Variants in CSMD1 observed in about 807,000 individuals in gnomAD.
CSMD1 encodes CUB and sushi domain-containing protein 1.
A neutral mutation model predicts 417.5 loss-of-function variants in CSMD1; 213 were observed. That is an observed-to-expected ratio of 0.51 (90% confidence interval 0.46 to 0.57). The LOEUF (loss-of-function observed/expected upper bound fraction) is 0.57, where lower values mean the gene tolerates loss of function less well. Among genes scored for constraint, CSMD1 ranks in the 20% least tolerant of loss-of-function variants. The pLI, the probability that CSMD1 is intolerant of heterozygous loss-of-function variation, is 0.00. For synonymous variants in CSMD1, 2,862 were observed against 1,736.8 expected (o/e 1.65, Z -16.11); for missense variants, 6,923 against 4,529.7 (o/e 1.53, Z -15.17).
intron 3 of CSMD1, among the ~76,000 whole-genome samples, chr8:4,334,514 G>C (rs995680228): frequency 6.6e-6 from 1 of 152,104 alleles, no homozygotes; most frequent in African/African-American, 2.4e-5. Context: ...CCCTATAAAT[G>C]CATGAGCTAA....
intron 10 of CSMD1, among the ~76,000 whole-genome samples, chr8:3,512,443 C>T (rs914449005): frequency 6.6e-6 from 1 of 152,036 alleles, no homozygotes; most frequent in Non-Finnish European, 1.5e-5. Context: ...TATTTGTAAT[C>T]CTGAGCAATG....
intron 10 of CSMD1, among the ~76,000 whole-genome samples, chr8:3,570,035 G>A (rs1001735067): frequency 6.6e-6 from 1 of 152,146 alleles, no homozygotes; most frequent in Non-Finnish European, 1.5e-5. Flanking sequence ...AGATGAGAGA[G>A]AAAAAATAAA....
intron 3 of CSMD1, among the ~76,000 whole-genome samples, chr8:4,061,290 C>T (rs1798960060): frequency 6.6e-6 from 1 of 152,148 alleles, no homozygotes; most frequent in African/African-American, 2.4e-5. Flanking sequence ...CAGAGAGGTA[C>T]ATCTTATCAT....
chr8:4,653,366 C>G (rs892396978), intron 1 of CSMD1, among the ~76,000 whole-genome samples: 1 of 152,064 alleles, frequency 6.6e-6, no homozygotes, highest in Admixed American at 6.5e-5. Flanking sequence ...TCTTTCCGTG[C>G]TGCAGTAGAA....
chr8:3,237,566 T>C (rs1041518949), intron 26 of CSMD1, among the ~76,000 whole-genome samples: 1 of 139,696 alleles, frequency 7.2e-6, no homozygotes, highest in African/African-American at 2.5e-5. Flanking sequence ...ACTTTGCATA[T>C]AAATATAATT....
At chr8:4,123,661 C>G (rs1238332239) in intron 3 of CSMD1, among the ~76,000 whole-genome samples, 1 of 152,158 alleles carries the variant, frequency 6.6e-6, no homozygotes. Flanking sequence ...TGGTAACACT[C>G]TTAAAGTGGG....
intron 3 of CSMD1, among the ~76,000 whole-genome samples, chr8:4,331,728 C>G (rs1056147661): frequency 6.6e-6 from 1 of 152,084 alleles, no homozygotes; most frequent in Non-Finnish European, 1.5e-5. Flanking sequence ...TTCACAATGA[C>G]CTTTCTAAAT....
chr8:4,013,177 G>A (rs1276503080), intron 4 of CSMD1, among the ~76,000 whole-genome samples: 1 of 151,988 alleles, frequency 6.6e-6, no homozygotes, highest in Admixed American at 6.5e-5. Flanking sequence ...AAGTCCAAAG[G>A]CTGATCTACA....
At chr8:4,231,615 T>A (rs777829407) in intron 3 of CSMD1, among the ~76,000 whole-genome samples, 1 of 152,198 alleles carries the variant, frequency 6.6e-6, no homozygotes, top group Non-Finnish European at 1.5e-5. Context: ...CAACAAATGT[T>A]GAGTCAGATA....
chr8:4,284,726 G>A (rs1424107742), intron 3 of CSMD1, among the ~76,000 whole-genome samples: 3 of 151,964 alleles, frequency 2.0e-5, no homozygotes, highest in African/African-American at 7.3e-5. Context: ...CTCCCAGGAG[G>A]GTAACTCCAT....
intron 10 of CSMD1, among the ~76,000 whole-genome samples, chr8:3,498,464 T>C (rs976243462): frequency 1.3e-5 from 2 of 152,232 alleles, no homozygotes; most frequent in South Asian, 2.1e-4. Flanking sequence ...AGTTTGATTA[T>C]AATGCTCTTT....
chr8:4,814,047 T>C (rs183160029), intron 1 of CSMD1, among the ~76,000 whole-genome samples: 24 of 152,374 alleles, frequency 1.6e-4, no homozygotes, highest in Admixed American at 1.3e-3. Context: ...GAAAGTAATG[T>C]ACAGTTTTGA....
chr8:4,581,535 A>G (rs1799418013), intron 2 of CSMD1, among the ~76,000 whole-genome samples: 1 of 152,230 alleles, frequency 6.6e-6, no homozygotes, highest in African/African-American at 2.4e-5. Context: ...TAAATACATA[A>G]CAGATTCATT....
intron 1 of CSMD1, among the ~76,000 whole-genome samples, chr8:4,819,800 G>A (rs189894097): frequency 6.6e-6 from 1 of 152,200 alleles, no homozygotes; most frequent in East Asian, 1.9e-4. Context: ...TAAGGGTGGG[G>A]CTGTTTGGGT....
At chr8:3,728,815 C>T (rs888956360) in intron 6 of CSMD1, among the ~76,000 whole-genome samples, 1 of 152,164 alleles carries the variant, frequency 6.6e-6, no homozygotes, top group Non-Finnish European at 1.5e-5. Context: ...ACTGATAATG[C>T]CCCCTTAATA....
chr8:4,608,632 G>A (rs1429670716), intron 2 of CSMD1, among the ~76,000 whole-genome samples: 3 of 152,268 alleles, frequency 2.0e-5, no homozygotes, highest in South Asian at 2.1e-4. Flanking sequence ...AGCAATGCCC[G>A]CCATACATTT....
At chr8:4,837,561 C>G (rs1350304) in intron 1 of CSMD1, among the ~76,000 whole-genome samples, 1 of 151,984 alleles carries the variant, frequency 6.6e-6, no homozygotes, top group Admixed American at 6.5e-5. Context: ...AAAATCAAAA[C>G]AATTAAGCTC....
intron 18 of CSMD1, among the ~76,000 whole-genome samples, chr8:3,384,449 C>T (rs957038274): frequency 7.9e-5 from 12 of 151,238 alleles, no homozygotes; most frequent in Admixed American, 3.3e-4. Context: ...AATCCTTACG[C>T]TATTGCACTA....
intron 1 of CSMD1, among the ~76,000 whole-genome samples, chr8:4,845,947 C>T (rs1022284380): frequency 6.6e-6 from 1 of 152,208 alleles, no homozygotes; most frequent in Non-Finnish European, 1.5e-5. Context: ...TTTGCATACA[C>T]TTACAAAAGA....
Sources: gnomAD v4.1 joint callset for allele counts (sites outside exome capture counted in the v4.1 genomes callset) on GRCh38, gnomAD v4.1.1 for gene constraint, MANE v1.5 for transcripts, NCBI Gene and HGNC (gene_info 2026-07-23, HGNC 2026-07-21) for gene names.